The following ELMOD1 variants were observed in gnomAD, a reference collection of about 807,000 sequenced individuals.
ELMOD1 encodes the protein ELMO domain containing 1, also known as ELMO domain-containing protein 1.
ELMOD1 carries 21 observed loss-of-function variants against 46.7 expected under a neutral mutation model. The observed-to-expected ratio is 0.45, with a 90% CI of 0.32 to 0.65. ELMOD1 has a LOEUF of 0.65. ELMOD1 is among the 30% of genes least tolerant of loss of function. ELMOD1 has a pLI of 0.04. For synonymous variants in ELMOD1, 122 were observed against 138.2 expected, an observed-to-expected ratio of 0.88 and a Z score of 0.82; for missense variants, 348 against 407.8, an observed-to-expected ratio of 0.85 and a Z score of 1.26.
rs140730718 is a variant in ELMOD1, at chr11:107,614,821, G to A, written c.-85-3284G>A. Reference sequence around the variant, plus strand: ...CTATTTTTCCCATCCCTCTCACTGAGCACCACACTAAGTCATGTTGGAACT... The same window carrying A: ...CTATTTTTCCCATCCCTCTCACTGAACACCACACTAAGTCATGTTGGAACT... On this transcript the variant is annotated intron_variant, in intron 1 of 11. Transcript: ENST00000265840. 4.2e-3 allele frequency among the ~76,000 whole-genome samples: 638 copies of A among 152,130 alleles called. 2 individuals carry two copies. The highest frequency in any genetic ancestry group is 7.1e-3 in the Non-Finnish European group (483 of 68,010).
At chr11:107,621,447 A>G (rs1368651906) in intron 2 of ELMOD1, among the ~76,000 whole-genome samples, 3 of 152,252 alleles carry the variant, frequency 2.0e-5, no homozygotes, top group Admixed American at 6.5e-5. Context: ...AGTCATTCAT[A>G]CTTGATTAAT....
chr11:107,618,362 A>G (rs991383748), intron 2 of ELMOD1, among the ~76,000 whole-genome samples, 156 bp downstream of exon 2: 7 of 152,182 alleles, frequency 4.6e-5, no homozygotes, highest in East Asian at 1.9e-4. Flanking sequence ...TAACTTGGCC[A>G]TGAGATTCCT....
chr11:107,662,320 G>C (rs1866753510), intron 11 of ELMOD1, among the ~76,000 whole-genome samples: 1 of 152,014 alleles, frequency 6.6e-6, no homozygotes, highest in South Asian at 2.1e-4. Flanking sequence ...ATTCTAAAAA[G>C]TTTTTTGTGG....
At chr11:107,607,683 A>G (rs946679818) in intron 1 of ELMOD1, among the ~76,000 whole-genome samples, 1 of 149,500 alleles carries the variant, frequency 6.7e-6, no homozygotes, top group Non-Finnish European at 1.5e-5. Context: ...AAACAAACAA[A>G]CAAGATATAG....
chr11:107,661,019 ATAAG>A, intron 11 of ELMOD1, among the ~76,000 whole-genome samples: 1 of 152,302 alleles, frequency 6.6e-6, no homozygotes, highest in East Asian at 1.9e-4. Flanking sequence ...TGTAATTTAT[ATAAG>A]TGAGTGGAGC....
At chr11:107,610,528 G>A (rs1488966641) in intron 1 of ELMOD1, among the ~76,000 whole-genome samples, 1 of 151,914 alleles carries the variant, frequency 6.6e-6, no homozygotes. Flanking sequence ...GCTGTGTGTG[G>A]TGGTGTATGC....
At chr11:107,605,682 A>G (rs184194317) in intron 1 of ELMOD1, among the ~76,000 whole-genome samples, 79 of 152,358 alleles carry the variant, frequency 5.2e-4, no homozygotes, top group African/African-American at 1.8e-3. Context: ...GCTATAAATC[A>G]TAAAAATTAA....
chr11:107,643,534 G>T, intron 6 of ELMOD1: 1 of 489,490 alleles, frequency 2.0e-6, no homozygotes, highest in Non-Finnish European at 4.2e-6. Flanking sequence ...GTCTGTAGTA[G>T]AACACTCTTG....
At position 107,647,568 on chromosome 11, in the gene ELMOD1, G is replaced by C. The variant is rs547798766; in HGVS notation, c.521G>C (p.Arg174Pro). 1 of 1,613,446 alleles carries C rather than the reference G, an allele frequency of 6.2e-7. No homozygotes were observed. The highest frequency in any genetic ancestry group is 8.5e-7 in the Non-Finnish European group (1 of 1,179,718). ...FQGDDPKTDFRGMGLLGLYNL... is the reference protein window; with the variant it reads ...FQGDDPKTDFPGMGLLGLYNL... ...GGTGATGATCCTAAAACAGACTTTC[G>C]AGGAATGGGACTTCTGGGACTGTAC... The change falls in exon 7 of 12, where the codon CGA becomes CCA. Residue 174 changes from arginine to proline, a missense_variant. Transcript: ENST00000265840.
chr11:107,597,620 C>T (rs760946968), intron 1 of ELMOD1, among the ~76,000 whole-genome samples: 3 of 152,110 alleles, frequency 2.0e-5, no homozygotes, highest in Non-Finnish European at 2.9e-5. Context: ...CACTTATCCA[C>T]GAATCTGCCA....
chr11:107,646,334 TTAAAGA>T (rs1237301302), intron 6 of ELMOD1, among the ~76,000 whole-genome samples: 4 of 152,192 alleles, frequency 2.6e-5, no homozygotes, highest in Non-Finnish European at 5.9e-5. Context: ...TTGGTAACTC[TTAAAGA>T]TAATAATACA....
In ELMOD1 at chr11:107,665,328, A is replaced by G. The variant is rs888779698; in HGVS notation, c.*131A>G. The G allele has an allele frequency of 2.1e-6, 2 of 931,496 alleles. No homozygotes were observed. Among genetic ancestry groups the G allele is most frequent in the Non-Finnish European group, 1.6e-6 (1 of 619,264 alleles). The allele number at this position is 931,496 out of a possible 1,614,324, so 57.7% of individuals were successfully genotyped here. A position where few individuals can be genotyped will look rare whatever the true frequency, so the allele number is the denominator to read the frequency against. ...GCATGCCTTTTGGTACAGTGTTTTC[A>G]TCTCTTGGTCATAATTCCGAGATCC... is the stretch of plus-strand genomic sequence containing the variant. On this transcript the variant is annotated 3_prime_UTR_variant, in exon 12 of 12. Coordinates refer to ENST00000265840, the MANE Select transcript of ELMOD1 (RefSeq NM_018712.4).
chr11:107,645,089 A>ATTTTTTTT (rs11390120), intron 6 of ELMOD1, among the ~76,000 whole-genome samples: 2 of 103,206 alleles, frequency 1.9e-5, no homozygotes, highest in African/African-American at 7.7e-5. Context: ...TGCCTGGCTA[A>ATTTTTTTT]TTTTTTTTTT....
At chr11:107,600,030 C>T (rs1337347474) in intron 1 of ELMOD1, among the ~76,000 whole-genome samples, 10 of 152,016 alleles carry the variant, frequency 6.6e-5, no homozygotes, top group Admixed American at 5.2e-4. Context: ...TGATGATTCT[C>T]AATTATGTGG....
At position 107,591,471 on chromosome 11, in the gene ELMOD1, G is replaced by A; in HGVS notation, c.-86+62G>A. On this transcript the variant is annotated intron_variant, in intron 1 of 11. Transcript: ENST00000265840. ...GCGAATGCCCTTGGGGAGGAGAGAG[G>A]TGCGGCGAGGACGCGAGGCATCACG... 6 of 199,444 alleles carry A rather than the reference G, an allele frequency of 3.0e-5. No homozygotes were observed. The South Asian group carries it at 3.6e-4, about 12-fold the overall frequency. The allele number at this position is 199,444 out of a possible 1,614,324, so 12.4% of individuals were successfully genotyped here.
At chr11:107,652,548 G>C (rs1866543548) in intron 9 of ELMOD1, among the ~76,000 whole-genome samples, 1 of 152,126 alleles carries the variant, frequency 6.6e-6, no homozygotes, top group African/African-American at 2.4e-5. Flanking sequence ...TAAATATGGA[G>C]ACACTGTGTA....
At chr11:107,625,516 A>G (rs2135681603) in intron 2 of ELMOD1, 1 of 985,440 alleles carries the variant, frequency 1.0e-6, no homozygotes, top group Non-Finnish European at 1.2e-6. Flanking sequence ...GGATGATGGC[A>G]TAGTGTTGCA....
chr11:107,660,981 A>G (rs1866729710), intron 11 of ELMOD1, among the ~76,000 whole-genome samples: 1 of 152,206 alleles, frequency 6.6e-6, no homozygotes, highest in Admixed American at 6.6e-5. Flanking sequence ...GTTAACTGAC[A>G]GATCAGACCA....
chr11:107,644,695 C>T (rs1360397033), intron 6 of ELMOD1, among the ~76,000 whole-genome samples: 1 of 151,964 alleles, frequency 6.6e-6, no homozygotes, highest in Non-Finnish European at 1.5e-5. Context: ...AGGATGGTCT[C>T]GATCTCCTGA....
Sources: allele counts gnomAD v4.1 joint callset (sites outside exome capture counted in the v4.1 genomes callset), GRCh38; gene constraint gnomAD v4.1.1; transcripts MANE v1.5; gene names NCBI Gene and HGNC (gene_info 2026-07-23, HGNC 2026-07-21).